The following LHX9 variants were observed in gnomAD, a reference collection of about 807,000 sequenced individuals.
The protein encoded by LHX9 is LIM homeobox 9.
Under a neutral mutation model 36.5 loss-of-function variants are expected in LHX9, and 9 were observed. The observed-to-expected ratio is 0.25, with a 90% CI of 0.15 to 0.43. LHX9 has a LOEUF of 0.43. Among genes scored for constraint, LHX9 ranks in the 20% least tolerant of loss-of-function variants. The probability of loss-of-function intolerance (pLI) is 1.00; values close to 1 mark genes in which losing one functional copy is unlikely to be tolerated. For missense variants in LHX9, 464 were observed against 526.4 expected, an observed-to-expected ratio of 0.88 and a Z score of 1.16; for synonymous variants, 211 against 212.1, an observed-to-expected ratio of 0.99 and a Z score of 0.04.
chr1:197,917,641 C>T lies in LHX9; in HGVS notation c.-183C>T. 6.6e-7 allele frequency: 1 copy of T among 1,511,672 alleles called. No homozygotes were observed. The highest frequency in any genetic ancestry group is 8.8e-7 in the Non-Finnish European group (1 of 1,132,888). The allele number at this position is 1,511,672 out of a possible 1,614,324, so 93.6% of individuals were successfully genotyped here. A position where few individuals can be genotyped will look rare whatever the true frequency, so the allele number is the denominator to read the frequency against. ...CCGCTGAGGCTTCCCCCCAACTCTT[C>T]CCAGTTCTTTTTGCTTCCCCTCGGC... is the stretch of plus-strand genomic sequence containing the variant. On this transcript the variant is annotated 5_prime_UTR_variant, in exon 1 of 5. Transcript: ENST00000367387.
chr1:197,919,822 T>G, intron 1 of LHX9, 150 bp from the exon 2 acceptor site: 1 of 710,732 alleles, frequency 1.4e-6, no homozygotes, highest in South Asian at 1.9e-5. Flanking sequence ...AAATCACAAA[T>G]GTTTCCCCTG....
chr1:197,917,821 T>G lies in LHX9; in HGVS notation c.-3T>G, dbSNP rs769852510. 6.2e-7 allele frequency: 1 copy of G among 1,614,062 alleles called. No individual in the cohort carries two copies. The highest frequency in any genetic ancestry group is 8.5e-7 in the Non-Finnish European group (1 of 1,179,942). On this transcript the variant is annotated 5_prime_UTR_variant, in exon 1 of 5. Transcript: ENST00000367387. ...ATGAGCTGAAAGCCCCGGGCGTGTG[T>G]ATATGGAAATAGTGGGGTGCCGAGC... is the stretch of plus-strand genomic sequence containing the variant.
chr1:197,917,933 T>C lies in LHX9; in HGVS notation c.110T>C (p.Met37Thr), dbSNP rs1205008232. 2 of 1,614,176 alleles carry C rather than the reference T, an allele frequency of 1.2e-6. No homozygotes were observed. The highest frequency in any genetic ancestry group is 8.5e-7 in the Non-Finnish European group (1 of 1,180,016). The change falls in exon 1 of 5, where the codon ATG becomes ACG. Residue 37 changes from methionine (M) to threonine (T), a missense_variant. By Grantham distance (81) the Met-to-Thr change is moderately conservative. Around this residue, in one of 5 missense-constraint regions of LHX9, gnomAD observed 119 missense variants for 102.4 expected, o/e 1.16. Transcript: ENST00000367387. ...CACATCCAAGGCATCATGGAGGAGA[T>C]GGAGCGCAGATCCAAGACTGAGGCC... ...GGHIQGIMEE[M>T]ERRSKTEARL... is the part of the protein sequence containing the mutation.
rs59725594 is a variant in LHX9 at position 197,933,741 on chromosome 1, C to CAAAA, written c.*4496_*4499dup. On this transcript the variant is annotated 3_prime_UTR_variant, in exon 5 of 5. Transcript: ENST00000367387. ...TTGAAACAGGCACATTTTTTAAAAC[C>CAAAA]AAAAAAAAAAAAAAAAAGAGAGAGA... 8.2e-6 allele frequency: 1 copy of CAAAA among 122,642 alleles called. No individual in the cohort carries two copies. The highest frequency in any genetic ancestry group is 3.0e-5 in the African/African-American group (1 of 32,942). The allele number at this position is 122,642 out of a possible 1,614,324, so 7.6% of individuals were successfully genotyped here. A position where few individuals can be genotyped will look rare whatever the true frequency, so the allele number is the denominator to read the frequency against.
At position 197,932,101 on chromosome 1, in the gene LHX9, T is replaced by G; in HGVS notation, c.*2842T>G. The G allele has an allele frequency of 6.6e-6, 4 of 601,944 alleles. No homozygotes were observed. Among genetic ancestry groups the G allele is most frequent in the Non-Finnish European group, 8.8e-6 (3 of 342,798 alleles). 37.3% of individuals were successfully genotyped at this position (601,944 alleles called of 1,614,324 possible). ...CAAAAAAAAAGAGAGAGAGAGAGAC[T>G]TAAATGTCATTTACTGAATGTTAAC... is the stretch of plus-strand genomic sequence containing the variant. On this transcript the variant is annotated 3_prime_UTR_variant, in exon 5 of 5. Coordinates refer to ENST00000367387, the MANE Select transcript of LHX9 (RefSeq NM_020204.3).
Position 197,929,136 on chromosome 1 carries a change from C to T in LHX9, c.1071C>T (p.Gly357=). 6.2e-7 allele frequency: 1 copy of T among 1,613,638 alleles called. No homozygotes were observed. The highest frequency in any genetic ancestry group is 8.5e-7 in the Non-Finnish European group (1 of 1,179,884). Residue 357 remains glycine (G), a synonymous_variant, in exon 5 of 5, where the codon GGC becomes GGT. Coordinates refer to ENST00000367387, the MANE Select transcript of LHX9 (RefSeq NM_020204.3). ...ACAGCGGAGCTCTCACTCCACCCGG[C>T]ACTGCGACCACTTTAACAGACCTGA... is the stretch of plus-strand genomic sequence containing the variant. The part of the protein sequence containing the change: ...SADSGALTPP[G]TATTLTDLTN...
rs1330893388 is a variant in LHX9, at chr1:197,930,973, C to T, written c.*1714C>T. The T allele has an allele frequency of 6.6e-6, 1 of 151,920 alleles. No homozygotes were observed. Among genetic ancestry groups the T allele is most frequent in the African/African-American group, 2.4e-5 (1 of 41,398 alleles). The allele number at this position is 151,920 out of a possible 1,614,324, so 9.4% of individuals were successfully genotyped here. A position where few individuals can be genotyped will look rare whatever the true frequency, so the allele number is the denominator to read the frequency against. On this transcript the variant is annotated 3_prime_UTR_variant, in exon 5 of 5. Transcript: ENST00000367387. ...CTGAGATCTTATTAATACACTTTTA[C>T]AGGTAAAATATTGACACTTATAAAT...
Position 197,921,459 on chromosome 1 carries a change from A to G in LHX9, c.533A>G (p.Asp178Gly), listed in dbSNP as rs756606387. ...LTTGDHFGMK[D>G]SLVYCRAHFE... ...ACGGGCGACCATTTCGGCATGAAGG[A>G]CAGCCTGGTGTACTGCCGCGCCCAC... Residue 178 changes from aspartate (D) to glycine (G), a missense_variant, in exon 3 of 5, where the codon GAC (aspartate) becomes GGC (glycine). Asp to Gly is a moderately conservative substitution (Grantham distance 94, BLOSUM62 -1). Around this residue, in one of 5 missense-constraint regions of LHX9, gnomAD observed 93 missense variants for 150.3 expected, o/e 0.62. Coordinates refer to ENST00000367387, the MANE Select transcript of LHX9 (RefSeq NM_020204.3). The surrounding 1 kb of genome is among the most constrained non-coding windows in gnomAD (Gnocchi z 4.6). The G allele has an allele frequency of 1.2e-6, 2 of 1,614,206 alleles. No homozygotes were observed. Among genetic ancestry groups the G allele is most frequent in the Non-Finnish European group, 8.5e-7 (1 of 1,180,050 alleles).
Position 197,927,578 on chromosome 1 carries a change from G to A in LHX9, c.734-13G>A. 1 of 1,612,578 alleles carries A rather than the reference G, an allele frequency of 6.2e-7. No homozygotes were observed. The highest frequency in any genetic ancestry group is 8.5e-7 in the Non-Finnish European group (1 of 1,178,606). ...TCCACTGAGCAGTTGTTTGTTCACT[G>A]TTACTGCAACAGGTTGTAATGAGAA... is the stretch of plus-strand genomic sequence containing the variant. On this transcript the variant is annotated splice_polypyrimidine_tract_variant and intron_variant, in intron 3 of 4. Coordinates refer to ENST00000367387, the MANE Select transcript of LHX9 (RefSeq NM_020204.3).
rs59725594 is a variant in LHX9 at position 197,933,741 on chromosome 1, C to CAAA, written c.*4497_*4499dup. The CAAA allele has an allele frequency of 8.2e-6, 1 of 122,642 alleles. No individual in the cohort carries two copies. The highest frequency in any genetic ancestry group is 3.0e-5 in the African/African-American group (1 of 32,942). 7.6% of individuals were successfully genotyped at this position (122,642 alleles called of 1,614,324 possible). On this transcript the variant is annotated 3_prime_UTR_variant, in exon 5 of 5. Coordinates refer to ENST00000367387, the MANE Select transcript of LHX9 (RefSeq NM_020204.3). ...TTGAAACAGGCACATTTTTTAAAAC[C>CAAA]AAAAAAAAAAAAAAAAAGAGAGAGA... is the stretch of plus-strand genomic sequence containing the variant.
intron 3 of LHX9, among the ~76,000 whole-genome samples, chr1:197,924,259 TTAAATG>T (rs1660082355): frequency 6.6e-6 from 1 of 152,226 alleles, no homozygotes; most frequent in Non-Finnish European, 1.5e-5. Flanking sequence ...AATGTAAACA[TTAAATG>T]TAAACAAGTC....
At chr1:197,919,871 T>C in intron 1 of LHX9, 101 bp from the exon 2 acceptor site, 1 of 1,196,600 alleles carries the variant, frequency 8.4e-7, no homozygotes, top group South Asian at 1.4e-5. Flanking sequence ...CCCCTGCCGC[T>C]CTCCCTGCAC....
At chr1:197,924,177 A>T (rs779555701) in intron 3 of LHX9, among the ~76,000 whole-genome samples, 4 of 152,246 alleles carry the variant, frequency 2.6e-5, no homozygotes, top group Non-Finnish European at 5.9e-5. Flanking sequence ...TAAAATGTAA[A>T]AAAATAAAAT....
rs200789883 is a variant in LHX9 at position 197,927,733 on chromosome 1, G to C, written c.876G>C (p.Pro292=). The stretch of plus-strand genomic sequence containing the variant: ...CCTACTTTGCCATCAACCACAACCC[G>C]GATGCCAAGGACCTCAAGCAGCTTG... ...MKSYFAINHN[P]DAKDLKQLAQ... is the part of the protein sequence containing the mutation. The change falls in exon 4 of 5, where the codon CCG becomes CCC. Residue 292 remains proline (P), a synonymous_variant. Transcript: ENST00000367387. 3.7e-6 allele frequency: 6 copies of C among 1,614,158 alleles called. No individual in the cohort carries two copies. Among genetic ancestry groups the C allele is most frequent in the Non-Finnish European group, 5.1e-6 (6 of 1,180,024 alleles).
rs1157083385 is a variant in LHX9 at position 197,934,508 on chromosome 1, A to G, written c.*5249A>G. 2 of 152,236 alleles carry G rather than the reference A, an allele frequency of 1.3e-5. No individual in the cohort carries two copies. Among genetic ancestry groups the G allele is most frequent in the Non-Finnish European group, 2.9e-5 (2 of 68,036 alleles). The allele number at this position is 152,236 out of a possible 1,614,324, so 9.4% of individuals were successfully genotyped here. ...TATAAACAAAGCTAGCTTTACTTGTAGAGAGTTCGTGTACTCTTGAGCTCA... is the reference window on the plus strand; with the variant it reads ...TATAAACAAAGCTAGCTTTACTTGTGGAGAGTTCGTGTACTCTTGAGCTCA... On this transcript the variant is annotated 3_prime_UTR_variant, in exon 5 of 5. Coordinates refer to ENST00000367387, the MANE Select transcript of LHX9 (RefSeq NM_020204.3).
chr1:197,925,879 T>C (rs1660127702), intron 3 of LHX9, among the ~76,000 whole-genome samples: 1 of 152,196 alleles, frequency 6.6e-6, no homozygotes. Context: ...GGGCCCAACA[T>C]CTTGATTGAA....
At chr1:197,912,540 C>T, upstream of LHX9, 1 of 1,614,196 alleles carries the variant, frequency 6.2e-7, no homozygotes, top group Non-Finnish European at 8.5e-7. Context: ...GAATGCTGAA[C>T]GGTACCACTC....
At position 197,932,090 on chromosome 1, in the gene LHX9, G is replaced by A; in HGVS notation, c.*2831G>A. On this transcript the variant is annotated 3_prime_UTR_variant, in exon 5 of 5. Transcript: ENST00000367387. ...ATTTATTAAGCCAAAAAAAAAGAGA[G>A]AGAGAGAGACTTAAATGTCATTTAC... is the stretch of plus-strand genomic sequence containing the variant. 2.8e-6 allele frequency: 2 copies of A among 708,132 alleles called. No homozygotes were observed. Among genetic ancestry groups the A allele is most frequent in the Non-Finnish European group, 4.7e-6 (2 of 429,902 alleles). The allele number at this position is 708,132 out of a possible 1,614,324, so 43.9% of individuals were successfully genotyped here.
At chr1:197,928,893 C>CAAAA (rs10664707) in intron 4 of LHX9, 109 bp from the exon 5 acceptor site, 1,588 of 1,020,314 alleles carry the variant, frequency 1.6e-3, no homozygotes, top group East Asian at 4.3e-3. Context: ...AAACCTATAT[C>CAAAA]AAAAAAAAAA....
Sources: allele counts gnomAD v4.1 joint callset (sites outside exome capture counted in the v4.1 genomes callset), GRCh38; gene constraint gnomAD v4.1.1; regional missense constraint gnomAD v4.1.1; non-coding constraint Gnocchi (gnomAD v3.1); transcripts MANE v1.5; gene names NCBI Gene and HGNC (gene_info 2026-07-23, HGNC 2026-07-21).